Variants in UNC13C observed in about 807,000 individuals in gnomAD.
UNC13C encodes unc-13 homolog C.
A neutral mutation model predicts 245.4 loss-of-function variants in UNC13C; 174 were observed. The ratio of observed to expected loss-of-function variants is 0.71; its 90% CI spans 0.63 to 0.80. The LOEUF is 0.80. Among genes scored for constraint, UNC13C ranks in the 30% least tolerant of loss-of-function variants. The pLI is 0.00. For missense variants in UNC13C, 2,829 were observed against 2,602.9 expected, an observed-to-expected ratio of 1.09 and a Z score of -1.89; for synonymous variants, 992 against 895.1, an observed-to-expected ratio of 1.11 and a Z score of -1.93.
At chr15:54,276,145 G>A (rs1330526262) in intron 10 of UNC13C, among the ~76,000 whole-genome samples, 5 of 152,016 alleles carry the variant, frequency 3.3e-5, no homozygotes, top group East Asian at 1.9e-4. Flanking sequence ...AAGGATGAGA[G>A]GAACTGATTA....
the UNC13C span, among the ~76,000 whole-genome samples, chr15:53,843,726 C>T: frequency 6.6e-6 from 1 of 152,092 alleles, no homozygotes; most frequent in African/African-American, 2.4e-5. Context: ...ATGTAAGAAA[C>T]ATGTTAATGG....
intron 2 of UNC13C, among the ~76,000 whole-genome samples, chr15:54,044,933 T>C (rs1566970948): frequency 6.6e-6 from 1 of 152,152 alleles, no homozygotes; most frequent in Admixed American, 6.5e-5. Context: ...TTTTTCTTTT[T>C]ATTGTTGAAT....
Position 54,127,031 on chromosome 15 carries a change from C to T in UNC13C, c.2984-15987C>T, listed in dbSNP as rs534583992. Among the ~76,000 whole-genome samples the T allele has an allele frequency of 1.6e-4, 24 of 152,126 alleles. 1 individual carries two copies. Among genetic ancestry groups the T allele is most frequent in the East Asian group, 1.5e-3 (8 of 5,170 alleles). ...TACCATCTCACACCAGTTAGAATGG[C>T]GATCATTAAAAAGTCAGGAAACAAT... is the stretch of plus-strand genomic sequence containing the variant. On this transcript the variant is annotated intron_variant, in intron 2 of 32. Coordinates refer to ENST00000260323, the MANE Select transcript of UNC13C (RefSeq NM_001080534.3).
chr15:53,895,402 G>T, the UNC13C span, among the ~76,000 whole-genome samples: 1 of 145,000 alleles, frequency 6.9e-6, no homozygotes, highest in African/African-American at 2.5e-5. Context: ...AATGGTCTTT[G>T]TCTTTTGGAA....
chr15:54,546,022 T>A (rs1460451505), intron 26 of UNC13C, among the ~76,000 whole-genome samples: 2 of 152,198 alleles, frequency 1.3e-5, no homozygotes, highest in African/African-American at 4.8e-5. Flanking sequence ...CATGCACACA[T>A]AAGTTTATTG....
chr15:54,083,466 A>G (rs1899065235), intron 2 of UNC13C, among the ~76,000 whole-genome samples: 1 of 152,146 alleles, frequency 6.6e-6, no homozygotes, highest in South Asian at 2.1e-4. Context: ...TCCAAGCAGC[A>G]CAGGCTCACT....
the UNC13C span, among the ~76,000 whole-genome samples, chr15:53,952,836 C>T: frequency 7.2e-5 from 11 of 152,156 alleles, no homozygotes; most frequent in African/African-American, 2.4e-4. Context: ...AGCATAGGGG[C>T]CTATGGTGTT....
chr15:54,549,606 G>C, intron 27 of UNC13C, 29 bp from the exon 28 acceptor site: 1 of 1,551,336 alleles, frequency 6.4e-7, no homozygotes. Context: ...TTAAGACTGA[G>C]TCTTCTCTCA....
At chr15:54,129,998 A>ACAT (rs2031309859) in intron 2 of UNC13C, among the ~76,000 whole-genome samples, 1 of 151,060 alleles carries the variant, frequency 6.6e-6, no homozygotes, top group Non-Finnish European at 1.5e-5. Context: ...TTTTAAGGTT[A>ACAT]TAACCTTTCT....
In UNC13C at chr15:54,438,565, A is replaced by G. The variant is rs76524474; in HGVS notation, c.4933+23498A>G. Among the ~76,000 whole-genome samples the G allele has an allele frequency of 1.0e-3, 153 of 152,122 alleles. 8 individuals carry two copies. In the East Asian group the frequency reaches 0.029, roughly 28 times the overall value. On this transcript the variant is annotated intron_variant, in intron 19 of 32. Coordinates refer to ENST00000260323, the MANE Select transcript of UNC13C (RefSeq NM_001080534.3). The stretch of plus-strand genomic sequence containing the variant: ...TCTTCTTCCAGTCTCTAAAATGGCA[A>G]GCAGAGCATACCTTAATGTTTATGT...
the UNC13C span, among the ~76,000 whole-genome samples, chr15:53,953,088 G>A: frequency 2.6e-5 from 4 of 152,300 alleles, no homozygotes; most frequent in South Asian, 8.3e-4. Flanking sequence ...TGCTTTCAGG[G>A]GGTAATTTAG....
At chr15:54,599,989 T>A (rs1049635277) in intron 30 of UNC13C, among the ~76,000 whole-genome samples, 1 of 152,166 alleles carries the variant, frequency 6.6e-6, no homozygotes, top group Non-Finnish European at 1.5e-5. Flanking sequence ...AGTAATTGTT[T>A]TGAATACTTT....
the UNC13C span, among the ~76,000 whole-genome samples, chr15:53,867,916 G>T: frequency 6.6e-6 from 1 of 152,014 alleles, no homozygotes; most frequent in African/African-American, 2.4e-5. Context: ...CTGCAGCCTG[G>T]ATCTCCCAGG....
At chr15:54,082,119 T>C (rs540538276) in intron 2 of UNC13C, among the ~76,000 whole-genome samples, 4 of 152,204 alleles carry the variant, frequency 2.6e-5, no homozygotes, top group African/African-American at 9.6e-5. Context: ...GGCCCCTAAT[T>C]TCTTCTGGTT....
intron 2 of UNC13C, among the ~76,000 whole-genome samples, chr15:54,125,202 A>G (rs1187155967): frequency 6.6e-6 from 1 of 152,168 alleles, no homozygotes; most frequent in African/African-American, 2.4e-5. Flanking sequence ...AGTGGCTCAC[A>G]TCTGTAATTC....
intron 19 of UNC13C, among the ~76,000 whole-genome samples, chr15:54,450,198 A>C (rs1891091048): frequency 6.6e-6 from 1 of 152,206 alleles, no homozygotes. Context: ...GCTGCCTCCC[A>C]GTTAGGCTAC....
intron 4 of UNC13C, among the ~76,000 whole-genome samples, chr15:54,145,524 G>A (rs956924682): frequency 1.5e-4 from 23 of 152,124 alleles, no homozygotes; most frequent in African/African-American, 4.8e-4. Context: ...AGCAGCTGTG[G>A]TGAAAGATCA....
At chr15:54,023,228 A>G (rs1182404001) in intron 2 of UNC13C, among the ~76,000 whole-genome samples, 1 of 152,214 alleles carries the variant, frequency 6.6e-6, no homozygotes, top group Admixed American at 6.5e-5. Context: ...AACATCATAT[A>G]GCGAATTAAG....
intron 4 of UNC13C, among the ~76,000 whole-genome samples, chr15:54,144,816 A>T (rs1323623032): frequency 6.6e-6 from 1 of 152,186 alleles, no homozygotes; most frequent in African/African-American, 2.4e-5. Flanking sequence ...AATTATAGAT[A>T]CTATGGTAAA....
Sources: allele counts gnomAD v4.1 joint callset (sites outside exome capture counted in the v4.1 genomes callset), GRCh38; gene constraint gnomAD v4.1.1; transcripts MANE v1.5; gene names NCBI Gene and HGNC (gene_info 2026-07-23, HGNC 2026-07-21).